KMT2C: variants seen among roughly 807,000 people sequenced by gnomAD.
The protein encoded by KMT2C is lysine methyltransferase 2C, also known as histone-lysine N-methyltransferase 2C.
KMT2C carries 88 observed loss-of-function variants against 507.9 expected under a neutral mutation model. The observed-to-expected ratio is 0.17, with a 90% CI of 0.15 to 0.21. KMT2C has a LOEUF of 0.21. Among genes scored for constraint, KMT2C ranks in the 10% least tolerant of loss-of-function variants. The pLI is 1.00. For synonymous variants in KMT2C, 2,049 were observed against 2,080.8 expected (o/e 0.98, Z 0.42); for missense variants, 4,954 against 5,957.8 (o/e 0.83, Z 5.55).
intron 27 of KMT2C, among the ~76,000 whole-genome samples, chr7:152,196,827 C>T (rs936793855): frequency 6.6e-6 from 1 of 152,100 alleles, no homozygotes; most frequent in Non-Finnish European, 1.5e-5. Flanking sequence ...ACCCTCCAAA[C>T]TAAGGCAAAG....
At position 152,194,186 on chromosome 7, in the gene KMT2C, G is replaced by T. The variant is rs200919309; in HGVS notation, c.4540+43C>A. On this transcript the variant is annotated intron_variant, in intron 30 of 58. Coordinates refer to ENST00000262189, the MANE Select transcript of KMT2C (RefSeq NM_170606.3). ...AAAAGACTAGTAGGGTCCTGGTATG[G>T]GGAACGCCATTTTCATTAACTAGAA... is the stretch of plus-strand genomic sequence containing the variant. 50 of 1,560,402 alleles carry T rather than the reference G, an allele frequency of 3.2e-5. No individual in the cohort carries two copies. In the East Asian group the frequency reaches 1.1e-3, roughly 34 times the overall value.
intron 31 of KMT2C, among the ~76,000 whole-genome samples, chr7:152,189,041 T>A (rs2093712191): frequency 6.6e-6 from 1 of 152,200 alleles, no homozygotes; most frequent in South Asian, 2.1e-4. Flanking sequence ...TAACTTACAG[T>A]TCAGCCCCCA....
intron 7 of KMT2C, among the ~76,000 whole-genome samples, chr7:152,265,660 A>G (rs541482353): frequency 4.3e-4 from 66 of 152,294 alleles, no homozygotes; most frequent in Admixed American, 7.2e-4. Flanking sequence ...AAAATTAAGA[A>G]ACATTAATAT....
chr7:152,271,850 G>A (rs758904511), intron 7 of KMT2C, among the ~76,000 whole-genome samples: 7 of 151,988 alleles, frequency 4.6e-5, no homozygotes, highest in Non-Finnish European at 8.8e-5. Context: ...ATCAAGTGAT[G>A]TCTTGTTATT....
At chr7:152,398,546 A>AT (rs1167613841) in intron 1 of KMT2C, among the ~76,000 whole-genome samples, 1 of 152,044 alleles carries the variant, frequency 6.6e-6, no homozygotes, top group South Asian at 2.1e-4. Flanking sequence ...GGTCTTTCAC[A>AT]TTTTTTGTTT....
At chr7:152,366,773 C>T (rs1317375993) in intron 1 of KMT2C, 3 of 201,284 alleles carry the variant, frequency 1.5e-5, no homozygotes, top group African/African-American at 4.7e-5. Flanking sequence ...TGTAACCAGC[C>T]GCTGAGCTGC....
At chr7:152,427,666 C>T (rs149709824) in intron 1 of KMT2C, among the ~76,000 whole-genome samples, 5 of 152,042 alleles carry the variant, frequency 3.3e-5, no homozygotes, top group Admixed American at 1.3e-4. Flanking sequence ...CTTGTTTTTC[C>T]GGGTATAACT....
intron 1 of KMT2C, among the ~76,000 whole-genome samples, chr7:152,399,170 C>G (rs1481951885): frequency 6.6e-6 from 1 of 152,144 alleles, no homozygotes; most frequent in Non-Finnish European, 1.5e-5. Flanking sequence ...TCCTACACCA[C>G]TTAAAGCTGC....
chr7:152,407,954 T>C (rs1234467793), intron 1 of KMT2C, among the ~76,000 whole-genome samples: 1 of 152,288 alleles, frequency 6.6e-6, no homozygotes, highest in Non-Finnish European at 1.5e-5. Context: ...TTACAAAATA[T>C]GGAACATATA....
rs760422477 is a variant in KMT2C at position 152,252,602 on chromosome 7, C to T, written c.1413G>A (p.Gly471=). 1.1e-5 allele frequency: 17 copies of T among 1,613,596 alleles called. No individual in the cohort carries two copies. The South Asian group carries it at 1.6e-4, about 16-fold the overall frequency. ...QQQDNLCPFC[G]KCYHPELQKD... is the part of the protein sequence containing the mutation. ...TCTGCAATTCTGGATGATAACACTT[C>T]CCACAGAAGGGACATAAGTTATCCT... is the stretch of plus-strand genomic sequence containing the variant. The change falls in exon 10 of 59, where the codon GGG becomes GGA. Residue 471 remains glycine, a synonymous_variant. Transcript: ENST00000262189.
At chr7:152,378,843 G>GT (rs1321481130) in intron 1 of KMT2C, among the ~76,000 whole-genome samples, 3 of 152,180 alleles carry the variant, frequency 2.0e-5, no homozygotes, top group Non-Finnish European at 4.4e-5. Context: ...GAAGTTCTCA[G>GT]TTTTGGGGGT....
At chr7:152,313,515 GCATAC>G (rs1005894190) in intron 4 of KMT2C, among the ~76,000 whole-genome samples, 13 of 151,972 alleles carry the variant, frequency 8.6e-5, no homozygotes, top group African/African-American at 3.1e-4. Flanking sequence ...CAGCTGAAAT[GCATAC>G]CCACAAAATT....
chr7:152,377,747 A>T (rs1444325802), intron 1 of KMT2C, among the ~76,000 whole-genome samples: 2 of 148,822 alleles, frequency 1.3e-5, no homozygotes, highest in Non-Finnish European at 2.9e-5. Context: ...AAAAAAAAAA[A>T]AAAAAAAGTG....
intron 54 of KMT2C, 104 bp downstream of exon 54, chr7:152,145,049 C>G: frequency 4.1e-6 from 6 of 1,453,870 alleles, no homozygotes; most frequent in Admixed American, 2.0e-5. Flanking sequence ...GGCACATACA[C>G]AGCCAGACAG....
chr7:152,392,060 G>A (rs1020048092), intron 1 of KMT2C, among the ~76,000 whole-genome samples: 10 of 152,108 alleles, frequency 6.6e-5, no homozygotes, highest in Non-Finnish European at 1.5e-4. Context: ...TCCCATAAAT[G>A]CCTGAAACCA....
chr7:152,268,087 C>T (rs1488207726), intron 7 of KMT2C, among the ~76,000 whole-genome samples: 7 of 152,140 alleles, frequency 4.6e-5, no homozygotes, highest in Non-Finnish European at 1.0e-4. Context: ...CGAGACCAGC[C>T]GGGCCAACAT....
At chr7:152,169,740 C>T (rs966431570) in intron 40 of KMT2C, among the ~76,000 whole-genome samples, 1 of 152,074 alleles carries the variant, frequency 6.6e-6, no homozygotes, top group Non-Finnish European at 1.5e-5. Context: ...GTCTTATTTT[C>T]TACACACGCC....
intron 26 of KMT2C, among the ~76,000 whole-genome samples, chr7:152,202,383 A>C (rs1314953591): frequency 2.0e-5 from 3 of 152,234 alleles, no homozygotes; most frequent in African/African-American, 7.2e-5. Flanking sequence ...AACTAGAAAA[A>C]AATTTTTTTT....
intron 56 of KMT2C, 113 bp from the exon 57 acceptor site, chr7:152,139,372 T>A (rs554848596): frequency 1.1e-6 from 1 of 903,704 alleles, no homozygotes; most frequent in East Asian, 2.4e-5. Context: ...AGCCTGATCA[T>A]CCTTACTGTG....
Sources: gnomAD v4.1 joint callset for allele counts (sites outside exome capture counted in the v4.1 genomes callset) on GRCh38, gnomAD v4.1.1 for gene constraint, MANE v1.5 for transcripts, NCBI Gene and HGNC (gene_info 2026-07-23, HGNC 2026-07-21) for gene names.